Variants in NR2F6 observed in about 807,000 individuals in gnomAD.
NR2F6 encodes the protein nuclear receptor subfamily 2 group F member 6.
A neutral mutation model predicts 26.5 loss-of-function variants in NR2F6; 16 were observed. The observed-to-expected ratio is 0.60, with a 90% CI of 0.41 to 0.92. The LOEUF is 0.92. Ranked by LOEUF, NR2F6 falls within the 40% of genes least tolerant of loss-of-function variation. The probability of loss-of-function intolerance (pLI) is 0.00; values close to 1 mark genes in which losing one functional copy is unlikely to be tolerated. For missense variants in NR2F6, 536 were observed against 631.7 expected (o/e 0.85, Z 1.62); for synonymous variants, 325 against 305.0 (o/e 1.07, Z -0.68).
At chr19:17,240,618 C>A in intron 2 of NR2F6, 53 bp downstream of exon 2, 3 of 1,579,278 alleles carry the variant, frequency 1.9e-6, no homozygotes, top group Non-Finnish European at 2.6e-6. Flanking sequence ...TGTTTGTTCA[C>A]CCCGGCTCCA....
At chr19:17,241,668 G>A (rs2073469983) in intron 1 of NR2F6, among the ~76,000 whole-genome samples, 1 of 152,198 alleles carries the variant, frequency 6.6e-6, no homozygotes, top group Admixed American at 6.5e-5. Flanking sequence ...TGGGGTTCCA[G>A]CTGGACACCC....
chr19:17,241,407 T>G (rs1411819519), intron 1 of NR2F6, among the ~76,000 whole-genome samples: 1 of 152,236 alleles, frequency 6.6e-6, no homozygotes, highest in Non-Finnish European at 1.5e-5. Context: ...CCAACCCCTA[T>G]GCAAGCTGGA....
intron 3 of NR2F6, among the ~76,000 whole-genome samples, chr19:17,232,929 C>G (rs917160686): frequency 9.2e-5 from 14 of 152,158 alleles, no homozygotes; most frequent in Non-Finnish European, 1.5e-4. Flanking sequence ...AGGTGGATCA[C>G]TTGAGGTCAG....
rs1314142907 is a variant in NR2F6 at position 17,232,028 on chromosome 19, C to T, written c.*324G>A. 5.7e-5 allele frequency: 20 copies of T among 350,364 alleles called. No individual in the cohort carries two copies. Among genetic ancestry groups the T allele is most frequent in the Admixed American group, 4.6e-4 (10 of 21,566 alleles). The allele number at this position is 350,364 out of a possible 1,614,324, so 21.7% of individuals were successfully genotyped here. A position where few individuals can be genotyped will look rare whatever the true frequency, so the allele number is the denominator to read the frequency against. ...CCTCTGGCCGACGCCAGGCCTTTGT[C>T]CATCATGCCAGGGAAGCCAACCCCA... On this transcript the variant is annotated 3_prime_UTR_variant, in exon 4 of 4. Transcript: ENST00000291442.
intron 1 of NR2F6, among the ~76,000 whole-genome samples, chr19:17,243,888 C>T (rs1253028725): frequency 6.6e-6 from 1 of 152,202 alleles, no homozygotes; most frequent in East Asian, 1.9e-4. Context: ...ACCAGGACCT[C>T]TCTCTGGGCC....
Position 17,235,656 on chromosome 19 carries a change from G to A in NR2F6, c.783C>T (p.Ala261=). 6.6e-7 allele frequency: 1 copy of A among 1,520,310 alleles called. No individual in the cohort carries two copies. Among genetic ancestry groups the A allele is most frequent in the Non-Finnish European group, 8.8e-7 (1 of 1,141,818 alleles). The allele number at this position is 1,520,310 out of a possible 1,614,324, so 94.2% of individuals were successfully genotyped here. A position where few individuals can be genotyped will look rare whatever the true frequency, so the allele number is the denominator to read the frequency against. The change falls in exon 3 of 4, where the codon GCC becomes GCT. Residue 261 remains alanine (A), a synonymous_variant. Coordinates refer to ENST00000291442, the MANE Select transcript of NR2F6 (RefSeq NM_005234.4). The surrounding 1 kb of genome is among the most constrained non-coding windows in gnomAD (Gnocchi z 5.0). Reference sequence around the variant, plus strand: ...TAGGCGCGGCGTGGAGGCCGGCGGCGGCCAGTAGCGGCGCCGTGTGCAGGG... The same window carrying A: ...TAGGCGCGGCGTGGAGGCCGGCGGCAGCCAGTAGCGGCGCCGTGTGCAGGG... ...ALPLHTAPLL[A]AAGLHAAPMA... is the part of the protein sequence containing the mutation.
chr19:17,243,288 G>A (rs1295029556), intron 1 of NR2F6, among the ~76,000 whole-genome samples: 3 of 152,156 alleles, frequency 2.0e-5, no homozygotes, highest in African/African-American at 4.8e-5. Context: ...TCCAGACTGG[G>A]GGCTTCTCAG....
chr19:17,239,466 C>G (rs2073457577), intron 2 of NR2F6, among the ~76,000 whole-genome samples: 1 of 151,956 alleles, frequency 6.6e-6, no homozygotes, highest in Admixed American at 6.6e-5. Context: ...ACCATCCTGG[C>G]TAACATGGTG....
intron 1 of NR2F6, among the ~76,000 whole-genome samples, chr19:17,242,695 G>A (rs1038390642): frequency 6.6e-6 from 1 of 152,234 alleles, no homozygotes; most frequent in African/African-American, 2.4e-5. Flanking sequence ...GTCCAGGGCA[G>A]CCGGGTGGAA....
intron 2 of NR2F6, among the ~76,000 whole-genome samples, chr19:17,237,709 C>T (rs565661482): frequency 2.0e-5 from 3 of 152,184 alleles, no homozygotes; most frequent in East Asian, 1.9e-4. Context: ...CACGCCTGGC[C>T]GGCCTTTGCA....
chr19:17,242,707 C>G (rs1041876735), intron 1 of NR2F6, among the ~76,000 whole-genome samples: 1 of 152,208 alleles, frequency 6.6e-6, no homozygotes, highest in African/African-American at 2.4e-5. Flanking sequence ...CGGGTGGAAA[C>G]GGCCTGGCCT....
At chr19:17,241,733 A>T (rs2073470386) in intron 1 of NR2F6, among the ~76,000 whole-genome samples, 1 of 152,192 alleles carries the variant, frequency 6.6e-6, no homozygotes, top group Non-Finnish European at 1.5e-5. Context: ...GGAATTAAAC[A>T]GATGCATCTC....
rs563109789 is a variant in NR2F6, at chr19:17,233,784, C to T, written c.941-1158G>A. On this transcript the variant is annotated intron_variant, in intron 3 of 3. Transcript: ENST00000291442. Reference sequence around the variant, plus strand: ...GTGCTGGGATTACAGGGCCACCAGCCAGGCCAAGGAGATGGGTTCTAAGGA... The same window carrying T: ...GTGCTGGGATTACAGGGCCACCAGCTAGGCCAAGGAGATGGGTTCTAAGGA... 9.9e-4 allele frequency among the ~76,000 whole-genome samples: 151 copies of T among 152,150 alleles called. 1 individual carries two copies. Among genetic ancestry groups the T allele is most frequent in the South Asian group, 2.5e-3 (12 of 4,820 alleles).
intron 1 of NR2F6, 123 bp from the exon 2 acceptor site, chr19:17,240,888 G>C: frequency 1.1e-6 from 1 of 915,484 alleles, no homozygotes. Context: ...AGACTGGAGA[G>C]GTAGCCCCAA....
intron 1 of NR2F6, 81 bp downstream of exon 1, chr19:17,244,862 C>G: frequency 6.7e-7 from 1 of 1,499,764 alleles, no homozygotes; most frequent in Non-Finnish European, 8.9e-7. Flanking sequence ...CAGCGCCAGG[C>G]CCAAGGTGAC....
At chr19:17,242,175 G>C (rs549622084) in intron 1 of NR2F6, among the ~76,000 whole-genome samples, 2 of 151,902 alleles carry the variant, frequency 1.3e-5, no homozygotes, top group African/African-American at 4.8e-5. Context: ...AAAATTAGCC[G>C]GGCATGGTGG....
In NR2F6 at chr19:17,232,238, CTG is replaced by C; in HGVS notation, c.*112_*113del. Reference sequence around the variant, plus strand: ...TTCACAGTCTTTAAAAAATAGAAGTCTGAGGAGAGAAGCCAGAGTCCTGGGCC... The same window carrying C: ...TTCACAGTCTTTAAAAAATAGAAGTCAGGAGAGAAGCCAGAGTCCTGGGCC... On this transcript the variant is annotated 3_prime_UTR_variant, in exon 4 of 4. Coordinates refer to ENST00000291442, the MANE Select transcript of NR2F6 (RefSeq NM_005234.4). The C allele has an allele frequency of 7.2e-7, 1 of 1,388,098 alleles. No homozygotes were observed. Among genetic ancestry groups the C allele is most frequent in the African/African-American group, 1.5e-5 (1 of 68,646 alleles). The allele number at this position is 1,388,098 out of a possible 1,614,324, so 86.0% of individuals were successfully genotyped here.
At chr19:17,233,001 T>C (rs2073416284) in intron 3 of NR2F6, among the ~76,000 whole-genome samples, 1 of 151,950 alleles carries the variant, frequency 6.6e-6, no homozygotes, top group South Asian at 2.1e-4. Context: ...TAAGAATAAT[T>C]AGCCAGGCAT....
Position 17,245,288 on chromosome 19 carries a change from G to A in NR2F6, c.-68C>T. On this transcript the variant is annotated 5_prime_UTR_variant, in exon 1 of 4. Transcript: ENST00000291442. The surrounding 1 kb of genome is among the most constrained non-coding windows in gnomAD (Gnocchi z 5.0). Reference sequence around the variant, plus strand: ...CCCTCCGGGCACCCCTCTCGGCCCGGGGGACCCTACGCGGCGCGCATTCGG... The same window carrying A: ...CCCTCCGGGCACCCCTCTCGGCCCGAGGGACCCTACGCGGCGCGCATTCGG... 2 of 1,182,960 alleles carry A rather than the reference G, an allele frequency of 1.7e-6. No homozygotes were observed. The highest frequency in any genetic ancestry group is 2.1e-6 in the Non-Finnish European group (2 of 955,314). The allele number at this position is 1,182,960 out of a possible 1,614,324, so 73.3% of individuals were successfully genotyped here. A position where few individuals can be genotyped will look rare whatever the true frequency, so the allele number is the denominator to read the frequency against.
Sources: gnomAD v4.1 joint callset for allele counts (sites outside exome capture counted in the v4.1 genomes callset) on GRCh38, gnomAD v4.1.1 for gene constraint, Gnocchi (gnomAD v3.1) non-coding constraint, MANE v1.5 for transcripts, NCBI Gene and HGNC (gene_info 2026-07-23, HGNC 2026-07-21) for gene names.